Variants in RNF115 observed in about 807,000 individuals in gnomAD.
RNF115 encodes ring finger protein 115, also known as E3 ubiquitin-protein ligase RNF115.
A neutral mutation model predicts 39.2 loss-of-function variants in RNF115; 31 were observed. The observed-to-expected ratio is 0.79, with a 90% confidence interval of 0.59 to 1.07. RNF115 has a LOEUF of 1.07. Among genes scored for constraint, RNF115 ranks in the 50% least tolerant of loss-of-function variants. The probability of loss-of-function intolerance (pLI) is 0.00; values close to 1 mark genes in which losing one functional copy is unlikely to be tolerated. For synonymous variants in RNF115, 124 were observed against 131.0 expected (o/e 0.95, Z 0.37); for missense variants, 384 against 381.7 (o/e 1.01, Z -0.05).
At chr1:145,798,326 C>T (rs1649077115) in intron 1 of RNF115, among the ~76,000 whole-genome samples, 1 of 151,962 alleles carries the variant, frequency 6.6e-6, no homozygotes, top group South Asian at 2.1e-4. Flanking sequence ...GTCTTTAATC[C>T]ACTTTGAGTT....
chr1:145,788,817 T>C (rs1307153011), intron 2 of RNF115, 91 bp downstream of exon 2: 1 of 935,856 alleles, frequency 1.1e-6, no homozygotes, highest in Non-Finnish European at 1.7e-6. Context: ...AGAGTGTAAG[T>C]TGTAAAACAA....
intron 3 of RNF115, among the ~76,000 whole-genome samples, chr1:145,782,305 G>C (rs140320891): frequency 2.6e-5 from 4 of 152,202 alleles, no homozygotes; most frequent in African/African-American, 9.6e-5. Flanking sequence ...ATTTCTAGGA[G>C]AGTGCTATGT....
rs782601840 is a variant in RNF115, at chr1:145,743,783, A to AAAATAAAT, written c.*3075_*3082dup. On this transcript the variant is annotated 3_prime_UTR_variant, in exon 9 of 9. Coordinates refer to ENST00000582693, the MANE Select transcript of RNF115 (RefSeq NM_014455.4). ...GCGACAGAGCAAGCCTCCATCTCAA[A>AAAATAAAT]AAATAAATAAATAAATAAATAAATA... The AAAATAAAT allele has an allele frequency of 4.2e-5, 2 of 47,888 alleles. No individual in the cohort carries two copies. Among genetic ancestry groups the AAAATAAAT allele is most frequent in the Admixed American group, 3.6e-4 (1 of 2,754 alleles). The allele number at this position is 47,888 out of a possible 1,614,324, so 3.0% of individuals were successfully genotyped here.
intron 1 of RNF115, among the ~76,000 whole-genome samples, chr1:145,809,488 ATTTTTTTT>A (rs781918386): frequency 4.3e-5 from 2 of 46,344 alleles, no homozygotes; most frequent in African/African-American, 1.9e-4. Context: ...GACCCAGCTA[ATTTTTTTT>A]TTTTTTTTTT....
At chr1:145,816,398 T>C (rs1649993712) in intron 1 of RNF115, among the ~76,000 whole-genome samples, 1 of 44,296 alleles carries the variant, frequency 2.3e-5, no homozygotes, top group Non-Finnish European at 5.1e-5. Context: ...TGTCCTCTTA[T>C]CTGAGTGGAT....
intron 3 of RNF115, among the ~76,000 whole-genome samples, chr1:145,781,965 CA>C (rs1282147921): frequency 6.8e-6 from 1 of 147,604 alleles, no homozygotes; most frequent in Non-Finnish European, 1.5e-5. Context: ...TCCAGTGGTG[CA>C]ATCTCCGCTC....
rs912842809 is a variant in RNF115, at chr1:145,743,517, C to G, written c.*3349G>C. 1 of 151,940 alleles carries G rather than the reference C, an allele frequency of 6.6e-6. No individual in the cohort carries two copies. The highest frequency in any genetic ancestry group is 2.4e-5 in the African/African-American group (1 of 41,330). The allele number at this position is 151,940 out of a possible 1,614,324, so 9.4% of individuals were successfully genotyped here. On this transcript the variant is annotated 3_prime_UTR_variant, in exon 9 of 9. Transcript: ENST00000582693. ...ATCTCAGGCTGGGCATGGTGGCTCC[C>G]GTCTGTAATCCCAGCACTTTGGGAG... is the stretch of plus-strand genomic sequence containing the variant.
intron 8 of RNF115, among the ~76,000 whole-genome samples, 185 bp from the exon 9 acceptor site, chr1:145,747,182 C>T (rs1222227104): frequency 3.9e-5 from 6 of 152,104 alleles, no homozygotes; most frequent in African/African-American, 1.4e-4. Context: ...ATCTCCCAAA[C>T]AGAACTTTAA....
At chr1:145,785,628 AC>A (rs1366593150) in intron 2 of RNF115, among the ~76,000 whole-genome samples, 2 of 152,066 alleles carry the variant, frequency 1.3e-5, no homozygotes, top group Non-Finnish European at 2.9e-5. Context: ...ACAAACACTC[AC>A]CCCAATGGTA....
At chr1:145,802,477 T>TATC (rs1322444333) in intron 1 of RNF115, among the ~76,000 whole-genome samples, 1 of 152,224 alleles carries the variant, frequency 6.6e-6, no homozygotes, top group Non-Finnish European at 1.5e-5. Context: ...GACCTATTTA[T>TATC]ATCAGGTCAC....
At chr1:145,796,866 T>C (rs1207071653) in intron 1 of RNF115, among the ~76,000 whole-genome samples, 1 of 152,204 alleles carries the variant, frequency 6.6e-6, no homozygotes, top group Non-Finnish European at 1.5e-5. Context: ...TCTATGAATT[T>C]ATAATTTTTG....
At chr1:145,764,774 A>AGCCCCCGCCCG (rs1658693754) in intron 4 of RNF115, among the ~76,000 whole-genome samples, 2 of 148,318 alleles carry the variant, frequency 1.3e-5, no homozygotes, top group Non-Finnish European at 3.0e-5. Context: ...GCCCCCGCCC[A>AGCCCCCGCCCG]GCCAGCCGCC....
intron 4 of RNF115, among the ~76,000 whole-genome samples, chr1:145,764,221 T>G (rs1553714321): frequency 2.0e-5 from 3 of 152,198 alleles, no homozygotes. Flanking sequence ...CAGTGCTCAA[T>G]GTTGCCCAGG....
Position 145,754,053 on chromosome 1 carries a change from G to T in RNF115, c.429-1004C>A, listed in dbSNP as rs587761059. ...CCCTGGTTCCCACTTTACTTATTAGGCCAATTAATATAACAATGGCAATAG... is the reference window on the plus strand; with the variant it reads ...CCCTGGTTCCCACTTTACTTATTAGTCCAATTAATATAACAATGGCAATAG... On this transcript the variant is annotated intron_variant, in intron 4 of 8. Coordinates refer to ENST00000582693, the MANE Select transcript of RNF115 (RefSeq NM_014455.4). Among the ~76,000 whole-genome samples the T allele has an allele frequency of 2.0e-5, 3 of 152,120 alleles. No individual in the cohort carries two copies. In the South Asian group the frequency reaches 6.2e-4, roughly 32 times the overall value.
intron 1 of RNF115, among the ~76,000 whole-genome samples, chr1:145,806,017 C>T (rs1553721526): frequency 6.6e-6 from 1 of 152,094 alleles, no homozygotes; most frequent in Non-Finnish European, 1.5e-5. Context: ...TTGCTCTAAT[C>T]CAGAGATAGC....
At chr1:145,765,612 CAAAT>C (rs1324863870) in intron 4 of RNF115, among the ~76,000 whole-genome samples, 2 of 149,894 alleles carry the variant, frequency 1.3e-5, no homozygotes, top group African/African-American at 2.5e-5. Context: ...TGCTAACAAA[CAAAT>C]GAGTTTTATA....
At chr1:145,785,456 AC>A in intron 2 of RNF115, among the ~76,000 whole-genome samples, 1 of 152,280 alleles carries the variant, frequency 6.6e-6, no homozygotes, top group South Asian at 2.1e-4. Flanking sequence ...ATTCCCAAAG[AC>A]CCTGAAGAGT....
intron 4 of RNF115, among the ~76,000 whole-genome samples, chr1:145,758,268 T>C (rs904279366): frequency 2.0e-5 from 3 of 152,172 alleles, no homozygotes; most frequent in Admixed American, 2.0e-4. Flanking sequence ...AGCTGCCAAG[T>C]AATATGGACA....
At chr1:145,782,078 AT>A (rs1285506308) in intron 3 of RNF115, among the ~76,000 whole-genome samples, 1 of 151,262 alleles carries the variant, frequency 6.6e-6, no homozygotes, top group African/African-American at 2.4e-5. Flanking sequence ...AATTTTTTGT[AT>A]TTTTTAGTAG....
Sources: gnomAD v4.1 joint callset for allele counts (sites outside exome capture counted in the v4.1 genomes callset) on GRCh38, gnomAD v4.1.1 for gene constraint, MANE v1.5 for transcripts, NCBI Gene and HGNC (gene_info 2026-07-23, HGNC 2026-07-21) for gene names.